PCDHA7: variants seen among roughly 807,000 people sequenced by gnomAD.
PCDHA7 encodes protocadherin alpha 7.
A neutral mutation model predicts 57.2 loss-of-function variants in PCDHA7; 37 were observed. The observed-to-expected ratio is 0.65, with a 90% CI of 0.50 to 0.85. PCDHA7 has a LOEUF of 0.85. Among genes scored for constraint, PCDHA7 ranks in the 40% least tolerant of loss-of-function variants. The pLI is 0.00. For synonymous variants in PCDHA7, 553 were observed against 558.8 expected (o/e 0.99, Z 0.15); for missense variants, 1,188 against 1,241.8 (o/e 0.96, Z 0.65).
chr5:140,875,450 C>A, intron 1 of PCDHA7: 1 of 1,590,616 alleles, frequency 6.3e-7, no homozygotes, highest in Non-Finnish European at 8.6e-7. Context: ...ATTGTCCCAA[C>A]TCAGAGGCCC....
At chr5:140,991,420 A>G (rs1413227137) in intron 3 of PCDHA7, among the ~76,000 whole-genome samples, 2 of 152,234 alleles carry the variant, frequency 1.3e-5, no homozygotes, top group Admixed American at 6.5e-5. Flanking sequence ...GCTATAACAA[A>G]TTAACCATAA....
At chr5:140,845,811 T>C (rs200141146) in intron 1 of PCDHA7, among the ~76,000 whole-genome samples, 1 of 149,748 alleles carries the variant, frequency 6.7e-6, no homozygotes, top group South Asian at 2.1e-4. Context: ...GATAGGTACA[T>C]AATAAAATTT....
At chr5:140,889,677 A>C (rs2062337974) in intron 1 of PCDHA7, among the ~76,000 whole-genome samples, 1 of 152,018 alleles carries the variant, frequency 6.6e-6, no homozygotes, top group Non-Finnish European at 1.5e-5. Flanking sequence ...TTTTATTTTA[A>C]ACCTTTTAGT....
At chr5:140,926,859 G>A in intron 1 of PCDHA7, 1 of 1,521,332 alleles carries the variant, frequency 6.6e-7, no homozygotes, top group Non-Finnish European at 8.8e-7. Context: ...CGTTGGTGTA[G>A]CGTGTTGGTG....
At chr5:140,856,571 G>T in intron 1 of PCDHA7, 1 of 1,597,838 alleles carries the variant, frequency 6.3e-7, no homozygotes, top group African/African-American at 1.3e-5. Context: ...CAGTCCAAAT[G>T]AGTATTTTGT....
At chr5:140,941,216 T>TTTCTTTCTTTCC (rs782179127) in intron 1 of PCDHA7, among the ~76,000 whole-genome samples, 13 of 124,948 alleles carry the variant, frequency 1.0e-4, no homozygotes, top group Non-Finnish European at 1.8e-4. Context: ...TCTTTCTTCC[T>TTTCTTTCTTTCC]TTCTTTCTTT....
At chr5:140,910,387 T>C (rs540534807) in intron 1 of PCDHA7, among the ~76,000 whole-genome samples, 1 of 152,158 alleles carries the variant, frequency 6.6e-6, no homozygotes, top group Admixed American at 6.6e-5. Context: ...CCTTTGACAG[T>C]TGACTGGCCC....
At chr5:140,876,810 C>A in intron 1 of PCDHA7, 2 of 1,614,154 alleles carry the variant, frequency 1.2e-6, no homozygotes, top group Non-Finnish European at 1.7e-6. Flanking sequence ...TGGAGGTGGC[C>A]GACGTGAACG....
intron 1 of PCDHA7, chr5:140,883,919 C>T (rs1554180590): frequency 1.2e-6 from 2 of 1,613,316 alleles, no homozygotes; most frequent in Non-Finnish European, 8.5e-7. Flanking sequence ...CAACGTGACG[C>T]TGCAGGTGTT....
intron 1 of PCDHA7, chr5:140,884,466 C>G (rs1212644572): frequency 2.5e-6 from 4 of 1,613,646 alleles, no homozygotes; most frequent in Non-Finnish European, 3.4e-6. Flanking sequence ...GGCGCGTGCG[C>G]GCCGGGCAAG....
In PCDHA7 at chr5:140,877,160, C is replaced by A. The variant is rs782531082; in HGVS notation, c.2355+40422C>A. 4 of 1,613,814 alleles carry A rather than the reference C, an allele frequency of 2.5e-6. No individual in the cohort carries two copies. Among genetic ancestry groups the A allele is most frequent in the African/African-American group, 2.7e-5 (2 of 75,052 alleles). On this transcript the variant is annotated intron_variant, in intron 1 of 3. Transcript: ENST00000525929. ...GTGCTGGACGAGAACGACAACGCGC[C>A]GGCACTGCTGGCGACTCCGGCTGGC...
intron 1 of PCDHA7, chr5:140,851,446 T>G (rs576126527): frequency 1.1e-6 from 1 of 916,006 alleles, no homozygotes; most frequent in South Asian, 5.0e-5. Flanking sequence ...GTTGCTCCAC[T>G]TTAGGAATCA....
chr5:140,989,722 A>C (rs1472933877), intron 3 of PCDHA7, among the ~76,000 whole-genome samples: 1 of 152,224 alleles, frequency 6.6e-6, no homozygotes, highest in African/African-American at 2.4e-5. Context: ...TCAGCTTTGC[A>C]GTTGAAAAGG....
chr5:140,934,912 T>C (rs534779508), intron 1 of PCDHA7, among the ~76,000 whole-genome samples: 1 of 152,318 alleles, frequency 6.6e-6, no homozygotes, highest in Admixed American at 6.5e-5. Context: ...GGAATAATTA[T>C]GGATTCACAT....
intron 1 of PCDHA7, chr5:140,854,421 A>T (rs1331549600): frequency 1.3e-5 from 2 of 151,624 alleles, no homozygotes; most frequent in Admixed American, 1.3e-4. Flanking sequence ...TAATCTCTAA[A>T]ATCAGAATTT....
intron 1 of PCDHA7, chr5:140,855,778 TAA>T: frequency 2.5e-6 from 1 of 407,854 alleles, no homozygotes; most frequent in Non-Finnish European, 4.4e-6. Context: ...TAAAAATACG[TAA>T]AAAAAGAATT....
intron 1 of PCDHA7, chr5:140,857,210 C>T (rs2044424463): frequency 1.3e-6 from 2 of 1,598,628 alleles, no homozygotes; most frequent in East Asian, 4.5e-5. Flanking sequence ...CACCTGCTCT[C>T]TGACGCCTCA....
chr5:140,871,702 T>C, intron 1 of PCDHA7: 1 of 877,954 alleles, frequency 1.1e-6, no homozygotes, highest in Non-Finnish European at 1.7e-6. Flanking sequence ...CTTTAACCAA[T>C]AAATGTCCTA....
chr5:140,998,066 C>T (rs1234368433), intron 3 of PCDHA7, among the ~76,000 whole-genome samples: 2 of 152,160 alleles, frequency 1.3e-5, no homozygotes, highest in East Asian at 1.9e-4. Flanking sequence ...CATCAACAGA[C>T]TTAGCCTCTG....
Sources: gnomAD v4.1 joint callset for allele counts (sites outside exome capture counted in the v4.1 genomes callset) on GRCh38, gnomAD v4.1.1 for gene constraint, MANE v1.5 for transcripts, NCBI Gene and HGNC (gene_info 2026-07-23, HGNC 2026-07-21) for gene names.